Variants in CCDC77 observed in about 807,000 individuals in gnomAD.
The protein encoded by CCDC77 is coiled-coil domain containing 77.
A neutral mutation model predicts 66.8 loss-of-function variants in CCDC77; 56 were observed. That is an observed-to-expected ratio of 0.84 (90% CI 0.68 to 1.05). The LOEUF (loss-of-function observed/expected upper bound fraction) is 1.05. Ranked by LOEUF, CCDC77 falls within the 50% of genes least tolerant of loss-of-function variation. The pLI is 0.00. For synonymous variants in CCDC77, 196 were observed against 195.2 expected (o/e 1.00, Z -0.03); for missense variants, 570 against 576.8 (o/e 0.99, Z 0.12).
In CCDC77 at chr12:416,397, A is replaced by G. The variant is rs866854380; in HGVS notation, c.271-2097A>G. Among the ~76,000 whole-genome samples the G allele has an allele frequency of 2.3e-3, 109 of 47,910 alleles. 2 individuals carry two copies. The highest frequency in any genetic ancestry group is 8.2e-3 in the African/African-American group (103 of 12,520). 31.4% of individuals were successfully genotyped at this position (47,910 alleles called of 152,430 possible). ...TGTGTGTATATATATATATATATAT[A>G]TATATATATATATATATATTTCTTT... On this transcript the variant is annotated intron_variant, in intron 4 of 12. Transcript: ENST00000239830.
chr12:395,954 A>G (rs558726047), intron 1 of CCDC77, among the ~76,000 whole-genome samples: 1 of 152,282 alleles, frequency 6.6e-6, no homozygotes, highest in African/African-American at 2.4e-5. Flanking sequence ...AGTGGCATGC[A>G]TCTGTAATCC....
rs1380477538 is a variant in CCDC77, at chr12:416,332, TGGGTGTGTGG to T, written c.271-2152_271-2143del. ...ATGTGTGTGTGTGTGTGTGAGTCTG[TGGGTGTGTGG>T]GGGTGTGTGTGTGTGTGTGTGTGTG... On this transcript the variant is annotated intron_variant, in intron 4 of 12. Transcript: ENST00000239830. Among the ~76,000 whole-genome samples, 147 of 48,794 alleles carry T rather than the reference TGGGTGTGTGG, an allele frequency of 3.0e-3. 19 individuals carry two copies. Among genetic ancestry groups the T allele is most frequent in the Non-Finnish European group, 4.6e-3 (106 of 23,182 alleles). 32.0% of individuals were successfully genotyped at this position (48,794 alleles called of 152,430 possible). A position where few individuals can be genotyped will look rare whatever the true frequency, so the allele number is the denominator to read the frequency against.
At chr12:397,094 A>T (rs964593282), upstream of CCDC77, among the ~76,000 whole-genome samples, 2 of 151,238 alleles carry the variant, frequency 1.3e-5, no homozygotes, top group Non-Finnish European at 2.9e-5. Context: ...TTGTATTTTT[A>T]CTAGAGATGG....
chr12:427,296 GAT>G (rs1372697842), intron 5 of CCDC77, among the ~76,000 whole-genome samples: 1 of 151,096 alleles, frequency 6.6e-6, no homozygotes, highest in Non-Finnish European at 1.5e-5. Context: ...CAGAGATTGT[GAT>G]TTTGTTTGGG....
chr12:428,444 G>C (rs893304794), intron 5 of CCDC77, among the ~76,000 whole-genome samples: 4 of 149,386 alleles, frequency 2.7e-5, no homozygotes, highest in Non-Finnish European at 4.4e-5. Flanking sequence ...CCGGCAGGCG[G>C]AGGTTGCAGT....
chr12:428,510 C>CA (rs59414510), intron 5 of CCDC77, among the ~76,000 whole-genome samples: 647 of 57,876 alleles, frequency 0.011, 32 homozygotes, highest in Middle Eastern at 0.021. Flanking sequence ...GACTCTGTCT[C>CA]AAAAAAAAAA....
chr12:389,586 A>G (rs1352707591), intron 1 of CCDC77: 8 of 277,242 alleles, frequency 2.9e-5, no homozygotes, highest in Non-Finnish European at 5.7e-5. Context: ...AGGCGGGGCG[A>G]GGCGCGACGC....
intron 3 of CCDC77, chr12:409,705 T>C (rs945825587): frequency 3.7e-5 from 12 of 320,722 alleles, no homozygotes; most frequent in African/African-American, 2.6e-4. Context: ...TTAGAAAATA[T>C]GAAATGTTGG....
chr12:439,896 C>T (rs765674240), intron 10 of CCDC77, among the ~76,000 whole-genome samples: 1 of 152,012 alleles, frequency 6.6e-6, no homozygotes, highest in Non-Finnish European at 1.5e-5. Context: ...AAGGAATGCA[C>T]AGGGACACTC....
intron 5 of CCDC77, among the ~76,000 whole-genome samples, chr12:419,071 T>C (rs1343696093): frequency 6.6e-6 from 1 of 152,198 alleles, no homozygotes; most frequent in Non-Finnish European, 1.5e-5. Flanking sequence ...GGAAGTGGAC[T>C]CTGAGATGGA....
intron 5 of CCDC77, among the ~76,000 whole-genome samples, chr12:427,987 C>G (rs1159654410): frequency 2.6e-5 from 4 of 152,114 alleles, no homozygotes; most frequent in Admixed American, 1.3e-4. Context: ...ATATCCTGAA[C>G]TGAGCAAGGG....
In CCDC77 at chr12:427,209, C is replaced by T. The variant is rs1032619061; in HGVS notation, c.414-1560C>T. On this transcript the variant is annotated intron_variant, in intron 5 of 12. Transcript: ENST00000239830. ...GCGGTGAGCTGAGATCATGCCATTG[C>T]ACTCCAGCCTGGGCGACAGAGCGAG... Among the ~76,000 whole-genome samples the T allele has an allele frequency of 1.1e-4, 17 of 151,756 alleles. No homozygotes were observed. The East Asian group carries it at 3.2e-3, about 28-fold the overall frequency.
chr12:428,909 T>C, intron 6 of CCDC77, 44 bp downstream of exon 6: 5 of 1,287,116 alleles, frequency 3.9e-6, no homozygotes, highest in South Asian at 1.2e-5. Context: ...GCTTTACAAG[T>C]CACAGGCTAA....
chr12:440,109 G>A (rs965106408), intron 10 of CCDC77, among the ~76,000 whole-genome samples: 1 of 152,220 alleles, frequency 6.6e-6, no homozygotes, highest in Non-Finnish European at 1.5e-5. Flanking sequence ...AGCATTGGCA[G>A]CAGCCAGTTG....
chr12:437,579 C>T (rs1379600964), intron 9 of CCDC77, among the ~76,000 whole-genome samples: 2 of 151,682 alleles, frequency 1.3e-5, no homozygotes, highest in Non-Finnish European at 3.0e-5. Flanking sequence ...GTGGTTCACA[C>T]TTGTAATCCC....
intron 10 of CCDC77, among the ~76,000 whole-genome samples, chr12:439,397 G>A (rs1032816466): frequency 3.3e-5 from 5 of 151,848 alleles, no homozygotes; most frequent in Non-Finnish European, 7.4e-5. Context: ...GTGGGCACCT[G>A]TAATCCCAGT....
chr12:406,117 C>T (rs1944985102), intron 2 of CCDC77, among the ~76,000 whole-genome samples: 1 of 151,982 alleles, frequency 6.6e-6, no homozygotes, highest in Non-Finnish European at 1.5e-5. Context: ...GCCATGTTGC[C>T]CAGGCTGGTC....
chr12:422,276 C>A (rs569790442), intron 5 of CCDC77, among the ~76,000 whole-genome samples: 1 of 152,236 alleles, frequency 6.6e-6, no homozygotes, highest in East Asian at 1.9e-4. Flanking sequence ...GTAAAACACA[C>A]ATAGCAAAAA....
chr12:399,270 C>G (rs1944867422), upstream of CCDC77, among the ~76,000 whole-genome samples: 1 of 152,004 alleles, frequency 6.6e-6, no homozygotes, highest in Non-Finnish European at 1.5e-5. Flanking sequence ...CTCCCAGGTT[C>G]AAGTGATTCT....
Sources: allele counts gnomAD v4.1 joint callset (sites outside exome capture counted in the v4.1 genomes callset), GRCh38; gene constraint gnomAD v4.1.1; transcripts MANE v1.5; gene names NCBI Gene and HGNC (gene_info 2026-07-23, HGNC 2026-07-21).